The following SPARCL1 variants were observed in gnomAD, a reference collection of about 807,000 sequenced individuals.
SPARCL1 encodes SPARC like 1.
A neutral mutation model predicts 67.1 loss-of-function variants in SPARCL1; 52 were observed. The ratio of observed to expected loss-of-function variants is 0.78; its 90% CI spans 0.62 to 0.98. The LOEUF is 0.98. Among genes scored for constraint, SPARCL1 ranks in the 50% least tolerant of loss-of-function variants. The pLI is 0.00. For synonymous variants in SPARCL1, 226 were observed against 267.8 expected (o/e 0.84, Z 1.52); for missense variants, 717 against 782.4 (o/e 0.92, Z 1.00).
chr4:87,494,118 G>A lies in SPARCL1; in HGVS notation c.682C>T (p.His228Tyr). 2 of 1,613,630 alleles carry A rather than the reference G, an allele frequency of 1.2e-6. No homozygotes were observed. Among genetic ancestry groups the A allele is most frequent in the Non-Finnish European group, 1.7e-6 (2 of 1,179,992 alleles). Reference sequence around the variant, plus strand: ...TCTTCCTCCTGCTTGCTGTTAGCATGCTCCCTGGGCAATTCTGTCTTTCTT... The same window carrying A: ...TCTTCCTCCTGCTTGCTGTTAGCATACTCCCTGGGCAATTCTGTCTTTCTT... ...QERKTELPREHANSKQEEDNT... is the reference protein window; with the variant it reads ...QERKTELPREYANSKQEEDNT... Residue 228 changes from histidine to tyrosine, a missense_variant, in exon 4 of 11, where the codon CAT (histidine) becomes TAT (tyrosine). His to Tyr is a moderately conservative substitution (Grantham distance 83). Transcript: ENST00000282470.
chr4:87,496,913 G>T (rs148121876), intron 2 of SPARCL1, among the ~76,000 whole-genome samples: 18 of 152,194 alleles, frequency 1.2e-4, no homozygotes, highest in African/African-American at 3.9e-4. Flanking sequence ...TCACTCTGTT[G>T]CCCAGGCTGA....
At chr4:87,520,103 G>A (rs1450558941) in intron 1 of SPARCL1, among the ~76,000 whole-genome samples, 3 of 151,996 alleles carry the variant, frequency 2.0e-5, no homozygotes, top group Non-Finnish European at 4.4e-5. Flanking sequence ...AGCCAGGCGT[G>A]GTGACAGGTG....
chr4:87,487,055 G>A (rs905385021), intron 7 of SPARCL1, among the ~76,000 whole-genome samples: 6 of 151,510 alleles, frequency 4.0e-5, no homozygotes, highest in Admixed American at 4.0e-4. Context: ...CAATTTGCCA[G>A]TCTGTGTCTT....
intron 1 of SPARCL1, among the ~76,000 whole-genome samples, chr4:87,511,267 T>A (rs565204205): frequency 4.6e-5 from 7 of 152,282 alleles, no homozygotes; most frequent in Admixed American, 1.3e-4. Context: ...ACGAATTAGA[T>A]ATTGTAGGAA....
At chr4:87,518,169 G>T (rs1353188679) in intron 1 of SPARCL1, among the ~76,000 whole-genome samples, 3 of 152,210 alleles carry the variant, frequency 2.0e-5, no homozygotes, top group Non-Finnish European at 4.4e-5. Flanking sequence ...TGAAAATAGG[G>T]TGAAAACCTG....
At chr4:87,500,036 C>T (rs1338552005) in intron 1 of SPARCL1, among the ~76,000 whole-genome samples, 1 of 152,212 alleles carries the variant, frequency 6.6e-6, no homozygotes, top group Non-Finnish European at 1.5e-5. Context: ...TATTAATGTT[C>T]ATCTGATTTA....
At chr4:87,498,819 C>T (rs1383912243) in intron 2 of SPARCL1, among the ~76,000 whole-genome samples, 1 of 152,106 alleles carries the variant, frequency 6.6e-6, no homozygotes, top group Non-Finnish European at 1.5e-5. Context: ...AATTTCTCAG[C>T]CAGCATCTAT....
intron 1 of SPARCL1, among the ~76,000 whole-genome samples, chr4:87,510,352 A>G (rs992336871): frequency 6.6e-6 from 1 of 152,142 alleles, no homozygotes; most frequent in African/African-American, 2.4e-5. Flanking sequence ...AAAGCCTGAA[A>G]CCCACAGCCC....
chr4:87,506,833 C>G (rs1275662117), intron 1 of SPARCL1, among the ~76,000 whole-genome samples: 1 of 151,856 alleles, frequency 6.6e-6, no homozygotes, highest in African/African-American at 2.4e-5. Flanking sequence ...ATCTACCTAC[C>G]TACCTACCTA....
intron 2 of SPARCL1, among the ~76,000 whole-genome samples, chr4:87,495,417 T>C (rs980873198): frequency 6.6e-6 from 1 of 152,234 alleles, no homozygotes; most frequent in Admixed American, 6.5e-5. Context: ...AATTATTTTC[T>C]GTGTTTTTTA....
At chr4:87,509,528 A>T (rs1725258373) in intron 1 of SPARCL1, among the ~76,000 whole-genome samples, 1 of 152,190 alleles carries the variant, frequency 6.6e-6, no homozygotes, top group Admixed American at 6.5e-5. Context: ...AGCTGTATGA[A>T]GGATGTTCTC....
intron 1 of SPARCL1, among the ~76,000 whole-genome samples, chr4:87,517,171 C>A (rs1725614887): frequency 6.6e-6 from 1 of 151,980 alleles, no homozygotes; most frequent in Non-Finnish European, 1.5e-5. Context: ...TTTTTCTGAA[C>A]TTTTTGTTGT....
intron 1 of SPARCL1, among the ~76,000 whole-genome samples, chr4:87,512,131 A>AT (rs1459670673): frequency 2.6e-5 from 4 of 151,624 alleles, no homozygotes; most frequent in East Asian, 3.9e-4. Context: ...AACCCAGCTA[A>AT]TTTTTTTGTA....
chr4:87,491,629 A>G lies in SPARCL1; in HGVS notation c.1280T>C (p.Val427Ala). 6.2e-7 allele frequency: 1 copy of G among 1,613,200 alleles called. No individual in the cohort carries two copies. Reference sequence around the variant, plus strand: ...TCATGCATACTCACCCACAGCATGCACCCTCATGTTGCCTTCACTTGACGT... The same window carrying G: ...TCATGCATACTCACCCACAGCATGCGCCCTCATGTTGCCTTCACTTGACGT... Reference protein sequence around the residue: ...EETSSEGNMRVHAVDSCMSFQ... With the variant: ...EETSSEGNMRAHAVDSCMSFQ... Residue 427 changes from valine to alanine, a missense_variant, in exon 5 of 11, where the codon GTG becomes GCG. Val to Ala is a moderately conservative substitution (Grantham distance 64). Coordinates refer to ENST00000282470, the MANE Select transcript of SPARCL1 (RefSeq NM_004684.6).
chr4:87,485,526 T>A (rs545775197), intron 7 of SPARCL1, among the ~76,000 whole-genome samples: 1 of 152,148 alleles, frequency 6.6e-6, no homozygotes, highest in Non-Finnish European at 1.5e-5. Context: ...CCTGAATTTT[T>A]TTTTTTTTTT....
In SPARCL1 at chr4:87,514,124, G is replaced by A. The variant is rs541085377; in HGVS notation, c.-11-14539C>T. 2.6e-5 allele frequency among the ~76,000 whole-genome samples: 4 copies of A among 152,310 alleles called. No homozygotes were observed. In the East Asian group the frequency reaches 7.7e-4, roughly 29 times the overall value. ...CAGGAGAATTTCTTGAACCCAGGAG[G>A]TGGAGGTTGCAGTGAGCCAAGATTG... On this transcript the variant is annotated intron_variant, in intron 1 of 10. Transcript: ENST00000282470.
chr4:87,474,695 A>G (rs1056883841), intron 10 of SPARCL1, among the ~76,000 whole-genome samples: 1 of 151,356 alleles, frequency 6.6e-6, no homozygotes, highest in Non-Finnish European at 1.5e-5. Context: ...AGCCTCTAGA[A>G]CAGTGCCTGC....
chr4:87,511,867 A>G (rs1257765858), intron 1 of SPARCL1, among the ~76,000 whole-genome samples: 1 of 152,068 alleles, frequency 6.6e-6, no homozygotes, highest in Non-Finnish European at 1.5e-5. Context: ...AAAGGAGAGT[A>G]ACGTGGTAGC....
chr4:87,491,847 G>A (rs766058598), intron 4 of SPARCL1, among the ~76,000 whole-genome samples, 157 bp from the exon 5 acceptor site: 3 of 151,808 alleles, frequency 2.0e-5, no homozygotes, highest in Non-Finnish European at 4.4e-5. Context: ...GCTCACATGT[G>A]TAATCCCAGC....
Sources: gnomAD v4.1 joint callset for allele counts (sites outside exome capture counted in the v4.1 genomes callset) on GRCh38, gnomAD v4.1.1 for gene constraint, MANE v1.5 for transcripts, NCBI Gene and HGNC (gene_info 2026-07-23, HGNC 2026-07-21) for gene names.